Variants in SGCD observed in about 807,000 individuals in gnomAD.
The protein encoded by SGCD is delta-sarcoglycan.
SGCD carries 18 observed loss-of-function variants against 36.6 expected under a neutral mutation model. The ratio of observed to expected loss-of-function variants is 0.49; its 90% CI spans 0.34 to 0.73. The LOEUF (loss-of-function observed/expected upper bound fraction) is 0.73. SGCD is among the 30% of genes least tolerant of loss of function. The pLI, the probability that SGCD is intolerant of heterozygous loss-of-function variation, is 0.01. For synonymous variants in SGCD, 133 were observed against 130.6 expected, an observed-to-expected ratio of 1.02 and a Z score of -0.12; for missense variants, 387 against 346.7, an observed-to-expected ratio of 1.12 and a Z score of -0.92.
intron 3 of SGCD, among the ~76,000 whole-genome samples, chr5:156,311,274 A>T (rs1451235245): frequency 6.6e-6 from 1 of 152,066 alleles, no homozygotes; most frequent in East Asian, 1.9e-4. Context: ...AAGTTTTGCA[A>T]TCCTAGCCAT....
intron 7 of SGCD, among the ~76,000 whole-genome samples, chr5:156,740,052 T>C (rs284441): frequency 0.73 from 111,724 of 152,116 alleles, 42,491 homozygotes; most frequent in Middle Eastern, 0.83. Context: ...AACTCAAAAA[T>C]AGAAGATGAG....
At chr5:156,466,765 CA>C (rs1367530111) in intron 3 of SGCD, among the ~76,000 whole-genome samples, 4 of 152,212 alleles carry the variant, frequency 2.6e-5, no homozygotes, top group African/African-American at 9.6e-5. Context: ...AGATCCCCCA[CA>C]AAAGTATTTT....
intron 1 of SGCD, among the ~76,000 whole-genome samples, chr5:156,014,155 T>C (rs1758916962): frequency 6.6e-6 from 1 of 152,120 alleles, no homozygotes; most frequent in Admixed American, 6.6e-5. Context: ...ATCCTTGGAG[T>C]AGTACAACAT....
chr5:156,413,043 T>C (rs7710094), intron 3 of SGCD, among the ~76,000 whole-genome samples: 117,048 of 151,722 alleles, frequency 0.77, 46,025 homozygotes, highest in African/African-American at 0.92. Context: ...ATGATCCACC[T>C]GCCTCGGCCT....
In SGCD at chr5:156,624,450, G is replaced by A. The variant is rs904715041; in HGVS notation, c.503-23014G>A. Among the ~76,000 whole-genome samples, 7 of 152,020 alleles carry A rather than the reference G, an allele frequency of 4.6e-5. No homozygotes were observed. The East Asian group carries it at 5.8e-4, about 13-fold the overall frequency. On this transcript the variant is annotated intron_variant, in intron 6 of 8. Transcript: ENST00000337851. ...CAAAAAATTAGCCGGGCGTGTTAGC[G>A]GGCGCCTGTAGTTCCAGCTACTCGG...
the SGCD span, among the ~76,000 whole-genome samples, chr5:155,775,401 A>C: frequency 6.6e-6 from 1 of 152,106 alleles, no homozygotes; most frequent in African/African-American, 2.4e-5. Flanking sequence ...CTCACAAGAA[A>C]CCCATGAGAC....
At chr5:155,864,500 TA>T in the SGCD span, among the ~76,000 whole-genome samples, 126 of 150,724 alleles carry the variant, frequency 8.4e-4, 3 homozygotes, top group African/African-American at 2.2e-3. Flanking sequence ...TTAATTAAAT[TA>T]AAAAAAAAGG....
intron 6 of SGCD, among the ~76,000 whole-genome samples, chr5:156,619,819 G>C (rs1033475008): frequency 6.6e-6 from 1 of 152,312 alleles, no homozygotes; most frequent in Non-Finnish European, 1.5e-5. Flanking sequence ...GGAGAAAAGA[G>C]TACTAAAAAT....
intron 2 of SGCD, among the ~76,000 whole-genome samples, chr5:156,335,004 C>G (rs1768271115): frequency 6.6e-6 from 1 of 152,170 alleles, no homozygotes; most frequent in Admixed American, 6.5e-5. Flanking sequence ...AACCAAGTTA[C>G]TAGTTAGGGG....
At chr5:156,260,167 C>A (rs111794416) in intron 3 of SGCD, among the ~76,000 whole-genome samples, 1 of 152,082 alleles carries the variant, frequency 6.6e-6, no homozygotes, top group East Asian at 1.9e-4. Context: ...TTATAGAGAG[C>A]CTTTAAATAA....
At chr5:156,577,186 A>G (rs1360115765) in intron 4 of SGCD, among the ~76,000 whole-genome samples, 2 of 152,128 alleles carry the variant, frequency 1.3e-5, no homozygotes, top group East Asian at 3.8e-4. Context: ...TCCTTTCCCC[A>G]TTTCTTGTTT....
intron 3 of SGCD, among the ~76,000 whole-genome samples, chr5:156,363,636 C>A (rs948839018): frequency 6.6e-6 from 1 of 152,144 alleles, no homozygotes; most frequent in Admixed American, 6.5e-5. Context: ...GAGCCAGATT[C>A]TCTTGCTGTA....
At chr5:155,877,848 A>G (rs1755797966) in intron 1 of SGCD, among the ~76,000 whole-genome samples, 1 of 152,114 alleles carries the variant, frequency 6.6e-6, no homozygotes, top group South Asian at 2.1e-4. Context: ...CAATATGATA[A>G]TATGCATTAT....
chr5:155,901,636 A>G (rs868245845), intron 1 of SGCD, among the ~76,000 whole-genome samples: 2 of 148,934 alleles, frequency 1.3e-5, no homozygotes, highest in South Asian at 2.1e-4. Context: ...ACGTGGTAAG[A>G]AAAAAAAGTT....
At chr5:155,989,058 G>A (rs766347869) in intron 1 of SGCD, among the ~76,000 whole-genome samples, 69 of 152,152 alleles carry the variant, frequency 4.5e-4, no homozygotes, top group Non-Finnish European at 8.7e-4. Flanking sequence ...CCTCCAGTGA[G>A]ATTTGGAACT....
intron 1 of SGCD, among the ~76,000 whole-genome samples, chr5:156,056,871 C>T (rs147953888): frequency 2.7e-4 from 40 of 145,742 alleles, no homozygotes; most frequent in African/African-American, 9.6e-4. Context: ...TTTATGAATC[C>T]TCTTGTTGCC....
chr5:156,692,601 A>T (rs1387166799), intron 7 of SGCD, among the ~76,000 whole-genome samples: 1 of 152,114 alleles, frequency 6.6e-6, no homozygotes, highest in East Asian at 1.9e-4. Flanking sequence ...TCATTTTTCC[A>T]TCTCTATATT....
At chr5:156,647,396 G>A (rs1763269854) in intron 6 of SGCD, 68 bp from the exon 7 acceptor site, 2 of 1,010,738 alleles carry the variant, frequency 2.0e-6, no homozygotes, top group Non-Finnish European at 3.0e-6. Flanking sequence ...TCCAATCAGT[G>A]TGCTGATTGT....
At chr5:156,317,820 A>G (rs1255645977) in intron 3 of SGCD, among the ~76,000 whole-genome samples, 1 of 152,202 alleles carries the variant, frequency 6.6e-6, no homozygotes, top group East Asian at 1.9e-4. Flanking sequence ...AGGATAAAAT[A>G]CTGATGTACG....
Sources: gnomAD v4.1 joint callset for allele counts (sites outside exome capture counted in the v4.1 genomes callset) on GRCh38, gnomAD v4.1.1 for gene constraint, MANE v1.5 for transcripts, NCBI Gene and HGNC (gene_info 2026-07-23, HGNC 2026-07-21) for gene names.